The following CFAP43 variants were observed in gnomAD, a reference collection of about 807,000 sequenced individuals.
The protein encoded by CFAP43 is cilia- and flagella-associated protein 43.
Under a neutral mutation model 218.9 loss-of-function variants are expected in CFAP43, and 155 were observed. That is an observed-to-expected ratio of 0.71 (90% confidence interval 0.62 to 0.81). CFAP43 has a LOEUF of 0.81. Among genes scored for constraint, CFAP43 ranks in the 30% least tolerant of loss-of-function variants. The pLI is 0.00. For missense variants in CFAP43, 1,778 were observed against 1,954.3 expected, an observed-to-expected ratio of 0.91 and a Z score of 1.70; for synonymous variants, 645 against 681.3, an observed-to-expected ratio of 0.95 and a Z score of 0.83.
intron 27 of CFAP43, among the ~76,000 whole-genome samples, chr10:104,158,255 T>A (rs1161078642): frequency 6.6e-6 from 1 of 152,090 alleles, no homozygotes; most frequent in Non-Finnish European, 1.5e-5. Flanking sequence ...AGAGTCAGAT[T>A]CAAAATGTCA....
In CFAP43 at chr10:104,187,428, A is replaced by T. The variant is rs748847531; in HGVS notation, c.1752T>A (p.Tyr584Ter). ...LKDEIIHKYLYELEHALSSAV... is the reference protein window; with the variant it reads ...LKDEIIHKYL Reference sequence around the variant, plus strand: ...CAGAGGACAGAGCGTGCTCCAACTCATACAGGTACTTATGAATGATTTCAT... The same window carrying T: ...CAGAGGACAGAGCGTGCTCCAACTCTTACAGGTACTTATGAATGATTTCAT... Residue 584 changes from tyrosine to a stop codon, truncating the protein, a stop_gained, in exon 14 of 38, where the codon TAT becomes TAA. Coordinates refer to ENST00000357060, the MANE Select transcript of CFAP43 (RefSeq NM_025145.7). LOFTEE classifies it high-confidence loss of function. The T allele has an allele frequency of 1.9e-6, 3 of 1,607,534 alleles. No individual in the cohort carries two copies. The highest frequency in any genetic ancestry group is 2.5e-6 in the Non-Finnish European group (3 of 1,177,688).
At chr10:104,215,457 T>C (rs948060500) in intron 3 of CFAP43, among the ~76,000 whole-genome samples, 6 of 152,142 alleles carry the variant, frequency 3.9e-5, no homozygotes, top group Admixed American at 3.9e-4. Flanking sequence ...CTTGCTGGAA[T>C]CTCTGGTTCC....
intron 12 of CFAP43, among the ~76,000 whole-genome samples, chr10:104,190,135 CA>C (rs59257656): frequency 0.22 from 11,271 of 51,098 alleles, 310 homozygotes; most frequent in African/African-American, 0.34. Flanking sequence ...GACTCCATCT[CA>C]AAAAAAAAAA....
chr10:104,142,732 T>C (rs1173229149), intron 32 of CFAP43, among the ~76,000 whole-genome samples: 1 of 152,128 alleles, frequency 6.6e-6, no homozygotes, highest in Non-Finnish European at 1.5e-5. Flanking sequence ...GGGCATTAAA[T>C]TTAGGGAATT....
intron 10 of CFAP43, 97 bp from the exon 11 acceptor site, chr10:104,194,111 G>C (rs567469291): frequency 1.1e-5 from 16 of 1,430,494 alleles, no homozygotes; most frequent in Admixed American, 9.9e-5. Flanking sequence ...CCTGCAGGAT[G>C]AGAAAAGTGG....
In CFAP43 at chr10:104,166,599, A is replaced by G. The variant is rs770303681; in HGVS notation, c.2928T>C (p.Asn976=). ...CAGTACTCAGACTACCAAGCAGGTA[A>G]TTGGGCAAATTGCTATATTTTACTG... The part of the protein sequence containing the change: ...DKTVKYSNLP[N]YLLGSLSTDF... The change falls in exon 23 of 38, where the codon AAT becomes AAC. Residue 976 remains asparagine (N), a synonymous_variant. Coordinates refer to ENST00000357060, the MANE Select transcript of CFAP43 (RefSeq NM_025145.7). 3.1e-6 allele frequency: 5 copies of G among 1,614,154 alleles called. No individual in the cohort carries two copies. In the South Asian group the frequency reaches 3.3e-5, roughly 11 times the overall value.
At chr10:104,192,658 C>A in intron 11 of CFAP43, 1 of 227,406 alleles carries the variant, frequency 4.4e-6, no homozygotes, top group South Asian at 6.0e-5. Flanking sequence ...CATTTCATTA[C>A]CCTGTGTCTG....
At chr10:104,164,056 T>C (rs374883424) in intron 24 of CFAP43, 38 bp downstream of exon 24, 302 of 1,604,746 alleles carry the variant, frequency 1.9e-4, no homozygotes, top group Non-Finnish European at 2.4e-4. Flanking sequence ...GAAAGTCTCC[T>C]GAGAAAGAAG....
chr10:104,206,048 C>T lies in CFAP43; in HGVS notation c.896-18G>A, dbSNP rs2090677194. 6.3e-7 allele frequency: 1 copy of T among 1,579,518 alleles called. No individual in the cohort carries two copies. Among genetic ancestry groups the T allele is most frequent in the African/African-American group, 1.4e-5 (1 of 73,152 alleles). On this transcript the variant is annotated intron_variant, in intron 6 of 37. Coordinates refer to ENST00000357060, the MANE Select transcript of CFAP43 (RefSeq NM_025145.7). ...TCTTCTGTCTTCTGGAAAAGAAAAA[C>T]AAGGTAAAGCAGGTGACGTAATTAA...
intron 12 of CFAP43, among the ~76,000 whole-genome samples, chr10:104,191,800 A>G (rs1416115133): frequency 3.4e-4 from 49 of 145,542 alleles, no homozygotes; most frequent in East Asian, 1.8e-3. Flanking sequence ...GGGGGGGGGG[A>G]AACACATATA....
In CFAP43 at chr10:104,161,852, G is replaced by T. The variant is rs2088892726; in HGVS notation, c.3414+109C>A. 4.3e-6 allele frequency: 4 copies of T among 937,810 alleles called. No homozygotes were observed. In the Admixed American group the frequency reaches 8.7e-5, roughly 20 times the overall value. 58.1% of individuals were successfully genotyped at this position (937,810 alleles called of 1,614,324 possible). ...GTACTACGGAGGTTGTATAATAGTT[G>T]TTGCTGTAGAACTTCTAAAACCCAG... On this transcript the variant is annotated intron_variant, in intron 26 of 37. Transcript: ENST00000357060.
Position 104,136,258 on chromosome 10 carries a change from CAAAAAAA to C in CFAP43, c.4432-2481_4432-2475del, listed in dbSNP as rs368792618. Among the ~76,000 whole-genome samples the C allele has an allele frequency of 8.1e-5, 7 of 86,012 alleles. No individual in the cohort carries two copies. The East Asian group carries it at 1.1e-3, about 13-fold the overall frequency. 56.4% of individuals were successfully genotyped at this position (86,012 alleles called of 152,430 possible). ...AGAGCGAGAATCCATTTCTCCATTT[CAAAAAAA>C]AAAAAAAAAAAAAGAAGAAAAGAAA... On this transcript the variant is annotated intron_variant, in intron 34 of 37. Coordinates refer to ENST00000357060, the MANE Select transcript of CFAP43 (RefSeq NM_025145.7).
rs1196701969 is a variant in CFAP43, at chr10:104,200,668, C to CT, written c.1096-2631dup. On this transcript the variant is annotated intron_variant, in intron 8 of 37. Coordinates refer to ENST00000357060, the MANE Select transcript of CFAP43 (RefSeq NM_025145.7). ...CCTGGGTGACAGAGCAAGACTCTGT[C>CT]TCAAAAAAAAAAAAAAAAAAAAAAA... Among the ~76,000 whole-genome samples, 16 of 89,118 alleles carry CT rather than the reference C, an allele frequency of 1.8e-4. 1 individual carries two copies. The highest frequency in any genetic ancestry group is 7.9e-4 in the African/African-American group (16 of 20,236). The allele number at this position is 89,118 out of a possible 152,430, so 58.5% of individuals were successfully genotyped here. A position where few individuals can be genotyped will look rare whatever the true frequency, so the allele number is the denominator to read the frequency against.
At chr10:104,188,211 A>T in intron 13 of CFAP43, 59 bp downstream of exon 13, 1 of 1,571,948 alleles carries the variant, frequency 6.4e-7, no homozygotes, top group South Asian at 1.2e-5. Context: ...AACCCAAAAA[A>T]CAATAACAAC....
At chr10:104,184,465 T>C (rs1486171473) in intron 16 of CFAP43, among the ~76,000 whole-genome samples, 2 of 149,888 alleles carry the variant, frequency 1.3e-5, no homozygotes, top group Non-Finnish European at 1.5e-5. Flanking sequence ...ACTATGTCTT[T>C]TTTTTTTTTT....
At chr10:104,167,810 G>C (rs552994982) in intron 21 of CFAP43, 73 bp from the exon 22 acceptor site, 19 of 1,080,532 alleles carry the variant, frequency 1.8e-5, no homozygotes, top group African/African-American at 3.2e-5. Flanking sequence ...TTGAGTAGGG[G>C]ATGTTTTCTG....
chr10:104,160,510 AG>A (rs2088814243), intron 27 of CFAP43, among the ~76,000 whole-genome samples: 1 of 152,226 alleles, frequency 6.6e-6, no homozygotes, highest in South Asian at 2.1e-4. Flanking sequence ...TGTAATTGTG[AG>A]CAATTTTAAT....
chr10:104,203,471 C>T (rs1213066433), intron 8 of CFAP43: 2 of 481,382 alleles, frequency 4.2e-6, no homozygotes, highest in African/African-American at 4.0e-5. Flanking sequence ...ACTCCTTGCC[C>T]TTTCAGTTAC....
At chr10:104,175,088 C>CAAACA (rs1554874767) in intron 19 of CFAP43, among the ~76,000 whole-genome samples, 1 of 142,914 alleles carries the variant, frequency 7.0e-6, no homozygotes, top group Non-Finnish European at 1.5e-5. Flanking sequence ...AACAAACAAA[C>CAAACA]AAAAAAAAAC....
Sources: gnomAD v4.1 joint callset for allele counts (sites outside exome capture counted in the v4.1 genomes callset) on GRCh38, gnomAD v4.1.1 for gene constraint, MANE v1.5 for transcripts, NCBI Gene and HGNC (gene_info 2026-07-23, HGNC 2026-07-21) for gene names.